Variants in BLTP3A observed in about 807,000 individuals in gnomAD.
BLTP3A encodes ICBP90 binding protein 1.
At chr6:34,840,597 A>G in the BLTP3A span, among the ~76,000 whole-genome samples, 1,275 of 151,136 alleles carry the variant, frequency 8.4e-3, 19 homozygotes, top group African/African-American at 0.027. Context: ...AAAAATAAAT[A>G]CATATTATTA....
At chr6:34,869,640 CT>C in the BLTP3A span, among the ~76,000 whole-genome samples, 135 of 81,458 alleles carry the variant, frequency 1.7e-3, no homozygotes, top group East Asian at 0.011. Context: ...ACATACACCA[CT>C]TTTTTTTTTT....
chr6:34,830,597 A>G, the BLTP3A span, among the ~76,000 whole-genome samples: 5 of 148,998 alleles, frequency 3.4e-5, no homozygotes, highest in East Asian at 3.9e-4. Flanking sequence ...CTCGGCGGGG[A>G]AAAAAAAAAC....
the BLTP3A span, among the ~76,000 whole-genome samples, chr6:34,809,026 T>A: frequency 6.6e-6 from 1 of 152,202 alleles, no homozygotes. Flanking sequence ...AGGAAATAAA[T>A]ACTTCCAAAC....
At chr6:34,837,544 G>A in the BLTP3A span, among the ~76,000 whole-genome samples, 1 of 152,128 alleles carries the variant, frequency 6.6e-6, no homozygotes, top group African/African-American at 2.4e-5. Flanking sequence ...CAGGTGTGGT[G>A]GTGTGTCCCT....
At chr6:34,834,101 C>G in the BLTP3A span, 4 of 1,182,894 alleles carry the variant, frequency 3.4e-6, no homozygotes, top group East Asian at 7.7e-5. Flanking sequence ...GAACCTGTCT[C>G]AAAAAAATAA....
At chr6:34,809,090 T>C in the BLTP3A span, among the ~76,000 whole-genome samples, 3 of 152,190 alleles carry the variant, frequency 2.0e-5, no homozygotes, top group African/African-American at 7.2e-5. Flanking sequence ...AAAGATGTTA[T>C]AAGGAAAGAA....
At chr6:34,862,813 A>C in the BLTP3A span, among the ~76,000 whole-genome samples, 2 of 151,046 alleles carry the variant, frequency 1.3e-5, no homozygotes, top group Non-Finnish European at 3.0e-5. Flanking sequence ...CAGCCTGGGC[A>C]ATACAGTGAG....
chr6:34,862,333 G>T, the BLTP3A span, among the ~76,000 whole-genome samples: 1 of 151,692 alleles, frequency 6.6e-6, no homozygotes, highest in African/African-American at 2.4e-5. Context: ...CTGAGATCAT[G>T]CCACTGCACT....
chr6:34,829,900 G>A, the BLTP3A span, among the ~76,000 whole-genome samples: 1,286 of 152,180 alleles, frequency 8.5e-3, 20 homozygotes, highest in African/African-American at 0.027. Context: ...CACCTCCCAG[G>A]TTCAAGTGAT....
the BLTP3A span, among the ~76,000 whole-genome samples, chr6:34,840,281 G>A: frequency 6.6e-6 from 1 of 151,988 alleles, no homozygotes; most frequent in Non-Finnish European, 1.5e-5. Flanking sequence ...GCCAGGCTTG[G>A]TGGCTCACGC....
chr6:34,874,613 A>G, the BLTP3A span: 1 of 152,252 alleles, frequency 6.6e-6, no homozygotes, highest in Non-Finnish European at 1.5e-5. Context: ...GAGGTTCAAC[A>G]TAATATAAGG....
the BLTP3A span, among the ~76,000 whole-genome samples, chr6:34,826,920 G>A: frequency 6.6e-6 from 1 of 152,214 alleles, no homozygotes; most frequent in Non-Finnish European, 1.5e-5. Context: ...AGTGAGAAAC[G>A]CTATTTAGAG....
At chr6:34,827,085 G>C in the BLTP3A span, among the ~76,000 whole-genome samples, 1 of 152,184 alleles carries the variant, frequency 6.6e-6, no homozygotes, top group Admixed American at 6.5e-5. Flanking sequence ...GGCCAAGGCG[G>C]GTGGATCACG....
chr6:34,855,921 A>T, the BLTP3A span: 1 of 985,086 alleles, frequency 1.0e-6, no homozygotes, highest in Non-Finnish European at 1.2e-6. Flanking sequence ...TGAGTAGGGG[A>T]GATATCTAGT....
At chr6:34,837,660 C>T in the BLTP3A span, among the ~76,000 whole-genome samples, 1 of 152,058 alleles carries the variant, frequency 6.6e-6, no homozygotes, top group African/African-American at 2.4e-5. Flanking sequence ...GCCTGGGTGA[C>T]ACAGTGAGAC....
At chr6:34,855,764 C>T in the BLTP3A span, 1 of 1,607,278 alleles carries the variant, frequency 6.2e-7, no homozygotes, top group Admixed American at 1.7e-5. Context: ...GGGCAGATTC[C>T]TGGATTCATC....
At chr6:34,868,598 C>T in the BLTP3A span, among the ~76,000 whole-genome samples, 4 of 151,616 alleles carry the variant, frequency 2.6e-5, no homozygotes, top group African/African-American at 7.3e-5. Context: ...GTGGCAGGCA[C>T]CTGTAATCCC....
the BLTP3A span, chr6:34,834,966 A>G: frequency 7.1e-7 from 1 of 1,398,608 alleles, no homozygotes; most frequent in Admixed American, 2.3e-5. Context: ...CCCTGGAATG[A>G]CAGTTGAAGG....
the BLTP3A span, among the ~76,000 whole-genome samples, chr6:34,794,454 A>G: frequency 2.6e-5 from 4 of 152,228 alleles, no homozygotes; most frequent in Admixed American, 1.3e-4. Context: ...TTGGATCACA[A>G]TTTGTGTGAC....
Sources: gnomAD v4.1 joint callset for allele counts (sites outside exome capture counted in the v4.1 genomes callset) on GRCh38, gnomAD v4.1.1 for gene constraint, MANE v1.5 for transcripts, NCBI Gene and HGNC (gene_info 2026-07-23, HGNC 2026-07-21) for gene names.